WHRN: variants seen among roughly 807,000 people sequenced by gnomAD.
WHRN encodes whirlin.
Under a neutral mutation model 68.3 loss-of-function variants are expected in WHRN, and 41 were observed. That is an observed-to-expected ratio of 0.60 (90% CI 0.47 to 0.78). WHRN has a LOEUF of 0.78. Ranked by LOEUF, WHRN falls within the 30% of genes least tolerant of loss-of-function variation. The pLI is 0.00. For synonymous variants in WHRN, 560 were observed against 561.3 expected (o/e 1.00, Z 0.03); for missense variants, 1,243 against 1,244.7 (o/e 1.00, Z 0.02).
chr9:114,461,252 C>T (rs892579700), intron 3 of WHRN, among the ~76,000 whole-genome samples: 41 of 152,164 alleles, frequency 2.7e-4, no homozygotes, highest in African/African-American at 9.9e-4. Flanking sequence ...ATTCAGACGC[C>T]GCCTAAGGAC....
rs34252199 is a variant in WHRN at position 114,423,425 on chromosome 9, C to T, written c.1515G>A (p.Ala505=). Residue 505 remains alanine, a synonymous_variant, in exon 7 of 12, where the codon GCG becomes GCA. Coordinates refer to ENST00000362057, the MANE Select transcript of WHRN (RefSeq NM_015404.4). ...VLRREIESMK[A]RQPPGPGAGD... ...CAGCCCCGGGGCCTGGGGGCTGCCG[C>T]GCCTTCATGGACTCAATCTCACGCC... is the stretch of plus-strand genomic sequence containing the variant. The T allele has an allele frequency of 0.044, 70,635 of 1,614,046 alleles. 1,705 individuals carry two copies. Among genetic ancestry groups the T allele is most frequent in the Non-Finnish European group, 0.053 (62,045 of 1,179,978 alleles).
At chr9:114,490,603 G>T (rs965979914) in intron 1 of WHRN, among the ~76,000 whole-genome samples, 3 of 152,156 alleles carry the variant, frequency 2.0e-5, no homozygotes, top group Admixed American at 6.5e-5. Context: ...AGGGTTCAAT[G>T]TAAGGATGCA....
At chr9:114,475,679 C>T (rs2133094009) in intron 2 of WHRN, among the ~76,000 whole-genome samples, 1 of 152,238 alleles carries the variant, frequency 6.6e-6, no homozygotes, top group African/African-American at 2.4e-5. Flanking sequence ...TTTGGACTAT[C>T]AGAAGATGGG....
chr9:114,403,545 T>C (rs779518363), intron 10 of WHRN, among the ~76,000 whole-genome samples: 3 of 152,194 alleles, frequency 2.0e-5, no homozygotes, highest in Non-Finnish European at 4.4e-5. Context: ...CTCAGGAGGT[T>C]AAGGAGCTTG....
intron 1 of WHRN, among the ~76,000 whole-genome samples, chr9:114,484,557 G>C (rs1268207353): frequency 3.9e-5 from 6 of 152,186 alleles, no homozygotes; most frequent in Non-Finnish European, 8.8e-5. Flanking sequence ...TCTGGGGAGA[G>C]CCCACCGCAT....
chr9:114,467,507 T>A (rs1840818771), intron 2 of WHRN, among the ~76,000 whole-genome samples: 1 of 135,622 alleles, frequency 7.4e-6, no homozygotes, highest in Non-Finnish European at 1.6e-5. Flanking sequence ...TGAGCGAGAG[T>A]CAGCCGGCGG....
At chr9:114,417,367 A>G (rs1052006322) in intron 7 of WHRN, among the ~76,000 whole-genome samples, 11 of 152,334 alleles carry the variant, frequency 7.2e-5, no homozygotes, top group African/African-American at 2.4e-4. Flanking sequence ...ATCTTGCCCA[A>G]CTGAACACTA....
chr9:114,503,302 C>A, intron 1 of WHRN: 8 of 645,038 alleles, frequency 1.2e-5, no homozygotes, highest in Non-Finnish European at 1.5e-5. Context: ...CCTTTTCCCC[C>A]AAACTCTTCA....
At chr9:114,441,824 G>A (rs1028778690) in intron 3 of WHRN, among the ~76,000 whole-genome samples, 8 of 152,180 alleles carry the variant, frequency 5.3e-5, no homozygotes, top group African/African-American at 1.9e-4. Flanking sequence ...AAACTAGTAG[G>A]TAAATTTTGA....
intron 3 of WHRN, among the ~76,000 whole-genome samples, chr9:114,449,428 C>T (rs1262008077): frequency 6.6e-6 from 1 of 152,248 alleles, no homozygotes; most frequent in East Asian, 1.9e-4. Flanking sequence ...TGCAAGTGAG[C>T]TCTGCTCTAA....
intron 1 of WHRN, among the ~76,000 whole-genome samples, chr9:114,500,419 G>A (rs1843823885): frequency 6.6e-6 from 1 of 152,124 alleles, no homozygotes; most frequent in Non-Finnish European, 1.5e-5. Context: ...AGAACGTGCT[G>A]GACTAAATAT....
intron 1 of WHRN, among the ~76,000 whole-genome samples, chr9:114,486,371 C>T (rs1198155818): frequency 1.3e-5 from 2 of 152,146 alleles, no homozygotes; most frequent in African/African-American, 2.4e-5. Context: ...ATTGTGCTGC[C>T]GTCTATACCA....
At chr9:114,445,678 G>GCC (rs1038224900) in intron 3 of WHRN, among the ~76,000 whole-genome samples, 1 of 152,124 alleles carries the variant, frequency 6.6e-6, no homozygotes, top group African/African-American at 2.4e-5. Context: ...CGGTAGATAT[G>GCC]CCGTGCCACG....
At chr9:114,462,105 T>C (rs1393949673) in intron 3 of WHRN, among the ~76,000 whole-genome samples, 1 of 152,304 alleles carries the variant, frequency 6.6e-6, no homozygotes, top group South Asian at 2.1e-4. Flanking sequence ...TCTTTGTAAA[T>C]ATGAAAACTA....
rs775775788 is a variant in WHRN, at chr9:114,504,454, C to T, written c.348G>A (p.Leu116=). Residue 116 remains leucine, a synonymous_variant, in exon 1 of 12, where the codon CTG becomes CTA. Transcript: ENST00000362057. ...GCTGCCTGTAGGGGGTGGTGGCGGG[C>T]AGGTAGAGGCCCTCGGCCGTGTATT... ...FDQYTAEGLY[L]PATTPYRQPA... is the part of the protein sequence containing the mutation. 6.2e-7 allele frequency: 1 copy of T among 1,607,434 alleles called. No individual in the cohort carries two copies. Among genetic ancestry groups the T allele is most frequent in the African/African-American group, 1.3e-5 (1 of 74,916 alleles).
chr9:114,477,050 G>T (rs1162139555), intron 2 of WHRN, among the ~76,000 whole-genome samples: 1 of 152,178 alleles, frequency 6.6e-6, no homozygotes, highest in Non-Finnish European at 1.5e-5. Flanking sequence ...TGGGGAGAGG[G>T]TACGAGCCCA....
At chr9:114,448,639 G>A (rs985078693) in intron 3 of WHRN, among the ~76,000 whole-genome samples, 2 of 152,222 alleles carry the variant, frequency 1.3e-5, no homozygotes, top group Non-Finnish European at 2.9e-5. Context: ...CCCCTGGAAA[G>A]CCCCCCTAAG....
Position 114,485,959 on chromosome 9 carries a change from A to T in WHRN, c.619-7188T>A, listed in dbSNP as rs537503698. ...AGCCCAAAAGATCGAGACTACGGTG[A>T]GCTATGATCGAGCCACTGCACTCCA... On this transcript the variant is annotated intron_variant, in intron 1 of 11. Coordinates refer to ENST00000362057, the MANE Select transcript of WHRN (RefSeq NM_015404.4). Among the ~76,000 whole-genome samples, 55 of 152,262 alleles carry T rather than the reference A, an allele frequency of 3.6e-4. 1 individual carries two copies. The East Asian group carries it at 9.4e-3, about 26-fold the overall frequency.
At position 114,474,297 on chromosome 9, in the gene WHRN, G is replaced by A. The variant is rs528706203; in HGVS notation, c.837+4256C>T. On this transcript the variant is annotated intron_variant, in intron 2 of 11. Coordinates refer to ENST00000362057, the MANE Select transcript of WHRN (RefSeq NM_015404.4). ...AGCCATCCTCACCCCTCTTGAAAAC[G>A]AGCTTTGCACACCTTCTTTTTCATG... 2.6e-5 allele frequency among the ~76,000 whole-genome samples: 4 copies of A among 152,254 alleles called. No individual in the cohort carries two copies. In the South Asian group the frequency reaches 6.2e-4, roughly 24 times the overall value.
Sources: allele counts gnomAD v4.1 joint callset (sites outside exome capture counted in the v4.1 genomes callset), GRCh38; gene constraint gnomAD v4.1.1; transcripts MANE v1.5; gene names NCBI Gene and HGNC (gene_info 2026-07-23, HGNC 2026-07-21).